Variants in MGAM observed in about 807,000 individuals in gnomAD.
The protein encoded by MGAM is maltase-glucoamylase, also known as alpha-1,4-glucosidase.
A neutral mutation model predicts 358.8 loss-of-function variants in MGAM; 253 were observed. That is an observed-to-expected ratio of 0.71 (90% CI 0.64 to 0.78). The LOEUF is 0.78. Ranked by LOEUF, MGAM falls within the 30% of genes least tolerant of loss-of-function variation. MGAM has a pLI of 0.00. For missense variants in MGAM, 3,080 were observed against 3,432.6 expected (o/e 0.90, Z 2.57); for synonymous variants, 1,105 against 1,227.1 (o/e 0.90, Z 2.08).
intron 2 of MGAM, among the ~76,000 whole-genome samples, chr7:141,989,889 C>A (rs1160052512): frequency 6.6e-6 from 1 of 152,214 alleles, no homozygotes; most frequent in African/African-American, 2.4e-5. Flanking sequence ...TAGTTAATTA[C>A]TGGTAAAATC....
rs77272878 is a variant in MGAM at position 142,022,233 on chromosome 7, G to T, written c.711-35G>T. 8.0e-4 allele frequency: 1,249 copies of T among 1,563,660 alleles called. 7 individuals carry two copies. In the African/African-American group the frequency reaches 0.015, roughly 19 times the overall value. ...CACTTACGTTCTCTCCACCCTGCTT[G>T]CTCACCCATCCTTGTGTTCTCCACC... On this transcript the variant is annotated intron_variant, in intron 6 of 70. Transcript: ENST00000475668.
At chr7:142,044,087 CA>C (rs1809565718) in intron 21 of MGAM, among the ~76,000 whole-genome samples, 1 of 142,090 alleles carries the variant, frequency 7.0e-6, no homozygotes, top group East Asian at 2.0e-4. Flanking sequence ...ATTATATACA[CA>C]TACGACGTAT....
At position 142,106,112 on chromosome 7, in the gene MGAM, A is replaced by G. The variant is rs1056532304; in HGVS notation, c.*221A>G. 6.8e-6 allele frequency: 3 copies of G among 443,334 alleles called. No homozygotes were observed. The highest frequency in any genetic ancestry group is 1.3e-5 in the Non-Finnish European group (3 of 238,652). 27.5% of individuals were successfully genotyped at this position (443,334 alleles called of 1,614,324 possible). A position where few individuals can be genotyped will look rare whatever the true frequency, so the allele number is the denominator to read the frequency against. ...TGTGGAAAATCTATGCATTACCTTA[A>G]TGTCTCTGTGTGGTTAGTATGGTAG... On this transcript the variant is annotated 3_prime_UTR_variant, in exon 71 of 71. Transcript: ENST00000475668.
At chr7:142,097,232 C>T (rs1235126861) in intron 65 of MGAM, among the ~76,000 whole-genome samples, 1 of 152,146 alleles carries the variant, frequency 6.6e-6, no homozygotes, top group Non-Finnish European at 1.5e-5. Flanking sequence ...CCACCGTGTC[C>T]AGCCCGCAAA....
At chr7:142,040,445 T>C in intron 20 of MGAM, 1 of 582,442 alleles carries the variant, frequency 1.7e-6, no homozygotes, top group Non-Finnish European at 3.0e-6. Context: ...TGATGGACAA[T>C]GTGAGCTTGG....
At chr7:142,062,920 C>A (rs1812359155) in intron 35 of MGAM, among the ~76,000 whole-genome samples, 1 of 152,138 alleles carries the variant, frequency 6.6e-6, no homozygotes, top group African/African-American at 2.4e-5. Context: ...GAGGCGGGAC[C>A]AGGCGTGGTG....
At chr7:142,029,287 G>T (rs782588135) in intron 10 of MGAM, among the ~76,000 whole-genome samples, 19 of 152,120 alleles carry the variant, frequency 1.2e-4, no homozygotes, top group Non-Finnish European at 2.1e-4. Context: ...TTGAACCCTG[G>T]AGGTGGAGGT....
intron 21 of MGAM, among the ~76,000 whole-genome samples, chr7:142,046,158 T>A (rs918893487): frequency 6.8e-6 from 1 of 146,366 alleles, no homozygotes; most frequent in Non-Finnish European, 1.5e-5. Context: ...ATATTTATAT[T>A]ATATTTTTGT....
rs1473297774 is a variant in MGAM at position 142,094,630 on chromosome 7, G to A, written c.7317G>A (p.Glu2439=). ...QLKKSIIGMM[E]FSLFGISYTG... ...TGCTTCTCGTTGCAGGCATGATGGA[G>A]TTCAGCCTCTTCGGCATATCCTATG... Residue 2439 remains glutamate, a synonymous_variant, in exon 62 of 71, where the codon GAG becomes GAA. Transcript: ENST00000475668. 1 of 1,610,532 alleles carries A rather than the reference G, an allele frequency of 6.2e-7. No individual in the cohort carries two copies. The highest frequency in any genetic ancestry group is 8.5e-7 in the Non-Finnish European group (1 of 1,178,080).
intron 19 of MGAM, among the ~76,000 whole-genome samples, chr7:142,038,833 A>G (rs564097679): frequency 1.3e-5 from 2 of 152,182 alleles, no homozygotes; most frequent in Non-Finnish European, 2.9e-5. Context: ...CAACCAGTTT[A>G]GAAGCATCTA....
intron 3 of MGAM, among the ~76,000 whole-genome samples, 164 bp downstream of exon 3, chr7:142,008,869 T>C (rs931456683): frequency 6.6e-5 from 10 of 152,140 alleles, no homozygotes; most frequent in African/African-American, 2.4e-4. Flanking sequence ...CATGCTTGTA[T>C]GACAGTGCAG....
chr7:142,101,131 T>C lies in MGAM; in HGVS notation c.7963+241T>C, dbSNP rs369268801. On this transcript the variant is annotated intron_variant, in intron 68 of 70. Coordinates refer to ENST00000475668, the MANE Select transcript of MGAM (RefSeq NM_001365693.1). ...TAATCCACTATAGAAGGTAGCAATA[T>C]GGGAGCCATGGGGAAAGTTTATTTG... Among the ~76,000 whole-genome samples the C allele has an allele frequency of 2.0e-5, 3 of 152,224 alleles. No homozygotes were observed. The East Asian group carries it at 5.8e-4, about 29-fold the overall frequency.
rs1202401408 is a variant in MGAM, at chr7:142,071,554, C to A, written c.5186+436C>A. 3.4e-5 allele frequency among the ~76,000 whole-genome samples: 5 copies of A among 146,352 alleles called. 1 individual carries two copies. Among genetic ancestry groups the A allele is most frequent in the Non-Finnish European group, 3.1e-5 (2 of 64,584 alleles). On this transcript the variant is annotated intron_variant, in intron 44 of 70. Coordinates refer to ENST00000475668, the MANE Select transcript of MGAM (RefSeq NM_001365693.1). The stretch of plus-strand genomic sequence containing the variant: ...CCTCCTTGGTTTGCCAGGACTGATG[C>A]ATTTTAGCACCAGAACTCTCCTCTC...
At position 142,005,864 on chromosome 7, in the gene MGAM, A is replaced by G. The variant is rs147057563; in HGVS notation, c.127+207A>G. Among the ~76,000 whole-genome samples the G allele has an allele frequency of 2.8e-3, 424 of 152,156 alleles. 3 individuals are homozygous for G. The highest frequency in any genetic ancestry group is 9.5e-3 in the African/African-American group (395 of 41,524). ...GATACTTTGATTTATCAATTAATGC[A>G]TTGCAGAATTCCATAATTGACTTTT... On this transcript the variant is annotated intron_variant, in intron 2 of 70. Coordinates refer to ENST00000475668, the MANE Select transcript of MGAM (RefSeq NM_001365693.1).
Position 142,052,341 on chromosome 7 carries a change from A to T in MGAM, c.2853A>T (p.Thr951=). 6.2e-7 allele frequency: 1 copy of T among 1,609,922 alleles called. No homozygotes were observed. Among genetic ancestry groups the T allele is most frequent in the Non-Finnish European group, 8.5e-7 (1 of 1,177,864 alleles). Residue 951 remains threonine (T), a synonymous_variant, in exon 25 of 71, where the codon ACA becomes ACT. Coordinates refer to ENST00000475668, the MANE Select transcript of MGAM (RefSeq NM_001365693.1). ...ATCTTCTCCTGGGAGAAGCATACACAGTGGAATGGAGCATAAAGATAAGGG... is the reference window on the plus strand; with the variant it reads ...ATCTTCTCCTGGGAGAAGCATACACTGTGGAATGGAGCATAAAGATAAGGG... ...DIDLLLGEAY[T]VEWSIKIRDE...
chr7:142,031,607 T>A, intron 12 of MGAM, 73 bp from the exon 13 acceptor site: 1 of 1,061,058 alleles, frequency 9.4e-7, no homozygotes, highest in Non-Finnish European at 1.4e-6. Flanking sequence ...TAGGAATTTC[T>A]TTGCAAAGTA....
rs1811148481 is a variant in MGAM at position 142,052,917 on chromosome 7, C to A, written c.3092C>A (p.Pro1031His). ...TCTTCCGTTTATGCCAATGCCTTCC[C>A]CTCCACACCCGTGAACCCCCTTCGC... is the stretch of plus-strand genomic sequence containing the variant. Reference protein sequence around the residue: ...LKSSVYANAFPSTPVNPLRLD... With the variant: ...LKSSVYANAFHSTPVNPLRLD... Residue 1031 changes from proline to histidine, a missense_variant, in exon 26 of 71, where the codon CCC becomes CAC. Pro to His is a moderately conservative substitution (Grantham distance 77). Coordinates refer to ENST00000475668, the MANE Select transcript of MGAM (RefSeq NM_001365693.1). The A allele has an allele frequency of 6.2e-7, 1 of 1,613,906 alleles. No individual in the cohort carries two copies. The highest frequency in any genetic ancestry group is 2.2e-5 in the East Asian group (1 of 44,868).
intron 5 of MGAM, 123 bp downstream of exon 5, chr7:142,021,206 T>A: frequency 1.5e-6 from 1 of 654,884 alleles, no homozygotes; most frequent in Non-Finnish European, 2.6e-6. Context: ...TTGCTATTAT[T>A]AATTAGCACC....
Position 142,097,648 on chromosome 7 carries a change from C to T in MGAM, c.7748C>T (p.Thr2583Met), listed in dbSNP as rs757023946. 85 of 1,605,300 alleles carry T rather than the reference C, an allele frequency of 5.3e-5. No homozygotes were observed. The highest frequency in any genetic ancestry group is 1.5e-4 in the African/African-American group (11 of 74,812). ...AGAGCCCGCTGGTATGATTACTACA[C>T]GGTAAGTTTTTCTGAATGTTTATAC... ...FPRARWYDYYTGVDINARGEW... is the reference protein window; with the variant it reads ...FPRARWYDYYMGVDINARGEW... The change falls in exon 66 of 71, where the codon ACG becomes ATG. Residue 2583 changes from threonine to methionine, a missense_variant and splice_region_variant. Transcript: ENST00000475668.
Sources: allele counts gnomAD v4.1 joint callset (sites outside exome capture counted in the v4.1 genomes callset), GRCh38; gene constraint gnomAD v4.1.1; transcripts MANE v1.5; gene names NCBI Gene and HGNC (gene_info 2026-07-23, HGNC 2026-07-21).